ILKAP: variants seen among roughly 807,000 people sequenced by gnomAD.
The protein encoded by ILKAP is integrin-linked kinase-associated serine/threonine phosphatase 2C.
In ILKAP, 11 loss-of-function variants were observed where a neutral mutation model predicts 49.1. That is an observed-to-expected ratio of 0.22 (90% confidence interval 0.14 to 0.37). ILKAP has a LOEUF of 0.37. Ranked by LOEUF, ILKAP falls within the 10% of genes least tolerant of loss-of-function variation. The pLI is 1.00. For synonymous variants in ILKAP, 186 were observed against 192.8 expected (o/e 0.96, Z 0.29); for missense variants, 363 against 510.8 (o/e 0.71, Z 2.79).
In ILKAP at chr2:238,194,852, C is replaced by A; in HGVS notation, c.74G>T (p.Gly25Val). The A allele has an allele frequency of 6.2e-7, 1 of 1,614,044 alleles. No individual in the cohort carries two copies. The highest frequency in any genetic ancestry group is 8.5e-7 in the Non-Finnish European group (1 of 1,179,924). Residue 25 changes from glycine (G) to valine (V), a missense_variant, in exon 2 of 12, where the codon GGA becomes GTA. Physicochemically the swap from Gly to Val is moderately radical, Grantham distance 109. Around this residue, in one of 3 missense-constraint regions of ILKAP, gnomAD observed 114 missense variants for 116.0 expected, o/e 0.98. Coordinates refer to ENST00000254654, the MANE Select transcript of ILKAP (RefSeq NM_030768.3). ...AGGGAGGTCATCAAAGAGCAGGGGT[C>A]CTTTCTGAGCTTCTTTCCCTAAAAC... ...RPAAGKEAQK[G>V]PLLFDDLPPA...
Position 238,175,857 on chromosome 2 carries a change from G to A in ILKAP, c.837-2204C>T, listed in dbSNP as rs545459590. Reference sequence around the variant, plus strand: ...AGTGGCTATTCACAGACATGGTGGCGCATTATAGCTTCAAGCTCCTGGACT... The same window carrying A: ...AGTGGCTATTCACAGACATGGTGGCACATTATAGCTTCAAGCTCCTGGACT... On this transcript the variant is annotated intron_variant, in intron 9 of 11. Transcript: ENST00000254654. Among the ~76,000 whole-genome samples the A allele has an allele frequency of 5.9e-5, 9 of 151,552 alleles. No individual in the cohort carries two copies. The South Asian group carries it at 1.0e-3, about 18-fold the overall frequency.
chr2:238,201,760 C>T (rs1694579144), intron 1 of ILKAP, among the ~76,000 whole-genome samples: 1 of 152,180 alleles, frequency 6.6e-6, no homozygotes, highest in Admixed American at 6.5e-5. Flanking sequence ...AATCCAAATG[C>T]TGTCCCAAAT....
intron 3 of ILKAP, among the ~76,000 whole-genome samples, 158 bp from the exon 4 acceptor site, chr2:238,190,130 G>A (rs946762767): frequency 2.0e-5 from 3 of 152,092 alleles, no homozygotes; most frequent in South Asian, 2.1e-4. Context: ...CATGGTTGGC[G>A]GGGAGGGGGA....
At chr2:238,191,136 T>G (rs1429509015) in intron 3 of ILKAP, among the ~76,000 whole-genome samples, 1 of 151,556 alleles carries the variant, frequency 6.6e-6, no homozygotes, top group Non-Finnish European at 1.5e-5. Context: ...TTAATTTTTT[T>G]GGTAAACACA....
intron 5 of ILKAP, among the ~76,000 whole-genome samples, chr2:238,187,410 A>T (rs1373569403): frequency 6.6e-6 from 1 of 152,158 alleles, no homozygotes; most frequent in Non-Finnish European, 1.5e-5. Flanking sequence ...CAGTAAAGGT[A>T]CGTAATGTAT....
chr2:238,201,154 G>A (rs937722580), intron 1 of ILKAP, among the ~76,000 whole-genome samples: 1 of 151,060 alleles, frequency 6.6e-6, no homozygotes, highest in Non-Finnish European at 1.5e-5. Context: ...ATTCACTTTA[G>A]CAATCAATAT....
chr2:238,187,845 T>C (rs1381478905), intron 5 of ILKAP, among the ~76,000 whole-genome samples: 1 of 152,188 alleles, frequency 6.6e-6, no homozygotes, highest in Non-Finnish European at 1.5e-5. Flanking sequence ...TGAACAATTC[T>C]TTGTTGTGGG....
At position 238,188,353 on chromosome 2, in the gene ILKAP, G is replaced by A. The variant is rs909265828; in HGVS notation, c.299-96C>T. ...AAATGAGAGGGAACTATGACTGTCT[G>A]ACTCAGCAATATCCTAATGGCGCAA... On this transcript the variant is annotated intron_variant, in intron 4 of 11. Coordinates refer to ENST00000254654, the MANE Select transcript of ILKAP (RefSeq NM_030768.3). The A allele has an allele frequency of 2.8e-6, 4 of 1,431,602 alleles. No individual in the cohort carries two copies. In the African/African-American group the frequency reaches 5.7e-5, roughly 20 times the overall value. The allele number at this position is 1,431,602 out of a possible 1,614,324, so 88.7% of individuals were successfully genotyped here. A position where few individuals can be genotyped will look rare whatever the true frequency, so the allele number is the denominator to read the frequency against.
intron 10 of ILKAP, among the ~76,000 whole-genome samples, chr2:238,171,645 T>C (rs1460673751): frequency 6.6e-6 from 1 of 152,216 alleles, no homozygotes; most frequent in Non-Finnish European, 1.5e-5. Flanking sequence ...GAAAAATCAC[T>C]GAATAAAAAC....
chr2:238,189,938 C>G lies in ILKAP; in HGVS notation c.213G>C (p.Lys71Asn). ...TTCTCTTTGCTCCTTTCCCTTCAGT[C>G]TTTACCATCTGGGATATTGATGTGG... is the stretch of plus-strand genomic sequence containing the variant. ...SLATSISQMV[K>N]TEGKGAKRKT... Residue 71 changes from lysine to asparagine, a missense_variant, in exon 4 of 12, where the codon AAG becomes AAC. Lys to Asn is a moderately conservative substitution (Grantham distance 94). Around this residue, in one of 3 missense-constraint regions of ILKAP, gnomAD observed 114 missense variants for 116.0 expected, o/e 0.98. Transcript: ENST00000254654. 1 of 1,614,024 alleles carries G rather than the reference C, an allele frequency of 6.2e-7. No individual in the cohort carries two copies.
chr2:238,187,640 G>C (rs888039610), intron 5 of ILKAP, among the ~76,000 whole-genome samples: 1 of 151,994 alleles, frequency 6.6e-6, no homozygotes, highest in Non-Finnish European at 1.5e-5. Flanking sequence ...ATCTGTACTA[G>C]CTCTGCTTGA....
chr2:238,196,356 G>A (rs1380334262), intron 1 of ILKAP, among the ~76,000 whole-genome samples: 1 of 152,032 alleles, frequency 6.6e-6, no homozygotes, highest in Non-Finnish European at 1.5e-5. Context: ...CTCCCAAAGC[G>A]CTGGGATTAC....
rs1483940171 is a variant in ILKAP at position 238,170,461 on chromosome 2, AAC to A, written c.*73_*74del. 9 of 1,480,458 alleles carry A rather than the reference AAC, an allele frequency of 6.1e-6. No individual in the cohort carries two copies. In the East Asian group the frequency reaches 6.9e-5, roughly 11 times the overall value. 91.7% of individuals were successfully genotyped at this position (1,480,458 alleles called of 1,614,324 possible). On this transcript the variant is annotated 3_prime_UTR_variant, in exon 12 of 12. Coordinates refer to ENST00000254654, the MANE Select transcript of ILKAP (RefSeq NM_030768.3). The stretch of plus-strand genomic sequence containing the variant: ...ATGGGAGTCCCACAGGAGTACACAA[AAC>A]ACACAATGTGCACACACACAAAATG...
chr2:238,195,833 C>T (rs1055407304), intron 1 of ILKAP, among the ~76,000 whole-genome samples: 2 of 151,638 alleles, frequency 1.3e-5, no homozygotes, highest in South Asian at 2.1e-4. Context: ...GCTTGAGTCC[C>T]GGAGTTCGAG....
intron 5 of ILKAP, among the ~76,000 whole-genome samples, chr2:238,187,471 A>T (rs1693953058): frequency 6.6e-6 from 1 of 152,272 alleles, no homozygotes; most frequent in Non-Finnish European, 1.5e-5. Flanking sequence ...ACTATAATGT[A>T]TGTTTACAGC....
chr2:238,198,778 A>G (rs1230661348), intron 1 of ILKAP, among the ~76,000 whole-genome samples: 2 of 152,180 alleles, frequency 1.3e-5, no homozygotes, highest in South Asian at 2.1e-4. Flanking sequence ...GTTATATACT[A>G]TGCTGAGAAA....
Position 238,194,862 on chromosome 2 carries a change from C to G in ILKAP, c.64G>C (p.Ala22Pro). The change falls in exon 2 of 12, where the codon GCT becomes CCT. Residue 22 changes from alanine to proline, a missense_variant. Transcript: ENST00000254654. ...TCAAAGAGCAGGGGTCCTTTCTGAG[C>G]TTCTTTCCCTAAAACACAGAAAACC... is the stretch of plus-strand genomic sequence containing the variant. ...RSPRPAAGKE[A>P]QKGPLLFDDL... is the part of the protein sequence containing the mutation. 1 of 1,613,904 alleles carries G rather than the reference C, an allele frequency of 6.2e-7. No homozygotes were observed. Among genetic ancestry groups the G allele is most frequent in the Non-Finnish European group, 8.5e-7 (1 of 1,179,770 alleles).
At chr2:238,192,693 C>G (rs1466762256) in intron 3 of ILKAP, among the ~76,000 whole-genome samples, 1 of 119,128 alleles carries the variant, frequency 8.4e-6, no homozygotes, top group Non-Finnish European at 1.7e-5. Context: ...GAGAGAGAGA[C>G]AGTCTCAAAA....
chr2:238,173,468 C>A, intron 10 of ILKAP, 66 bp downstream of exon 10: 3 of 1,579,962 alleles, frequency 1.9e-6, no homozygotes, highest in Non-Finnish European at 2.6e-6. Flanking sequence ...TTGATAGAAA[C>A]TGGAAGTGAG....
Sources: allele counts gnomAD v4.1 joint callset (sites outside exome capture counted in the v4.1 genomes callset), GRCh38; gene constraint gnomAD v4.1.1; regional missense constraint gnomAD v4.1.1; transcripts MANE v1.5; gene names NCBI Gene and HGNC (gene_info 2026-07-23, HGNC 2026-07-21).